STX8: variants seen among roughly 807,000 people sequenced by gnomAD.
STX8 encodes the protein syntaxin-8.
In STX8, 23 loss-of-function variants were observed where a neutral mutation model predicts 37.5. The ratio of observed to expected loss-of-function variants is 0.61; its 90% CI spans 0.44 to 0.87. The LOEUF is 0.87. Among genes scored for constraint, STX8 ranks in the 40% least tolerant of loss-of-function variants. The pLI is 0.00. For synonymous variants in STX8, 115 were observed against 99.1 expected (o/e 1.16, Z -0.95); for missense variants, 313 against 284.7 (o/e 1.10, Z -0.71).
chr17:9,252,223 C>T (rs9904912), intron 7 of STX8, among the ~76,000 whole-genome samples: 105,978 of 150,298 alleles, frequency 0.71, 37,922 homozygotes, highest in Non-Finnish European at 0.77. Flanking sequence ...GGCGGGCGGA[C>T]CATGAGGTCA....
At chr17:9,568,336 C>G (rs1180686311) in intron 2 of STX8, 35 bp downstream of exon 2, 2 of 1,556,802 alleles carry the variant, frequency 1.3e-6, no homozygotes, top group South Asian at 1.1e-5. Context: ...AAAACTCAAA[C>G]AAATCATTGG....
chr17:9,429,575 C>A (rs1178273821), intron 6 of STX8, among the ~76,000 whole-genome samples: 1 of 137,732 alleles, frequency 7.3e-6, no homozygotes, highest in South Asian at 2.2e-4. Flanking sequence ...TGGTGGCGGG[C>A]ACCTGTAGTC....
At chr17:9,575,769 C>A (rs1433392923) in intron 1 of STX8, 23 bp downstream of exon 1, 2 of 1,546,626 alleles carry the variant, frequency 1.3e-6, no homozygotes, top group Admixed American at 2.0e-5. Flanking sequence ...CTCCACGCAC[C>A]GCCGCCCTCA....
chr17:9,381,241 A>AT (rs1490584886), intron 6 of STX8, among the ~76,000 whole-genome samples: 2 of 144,434 alleles, frequency 1.4e-5, no homozygotes, highest in African/African-American at 2.7e-5. Flanking sequence ...TATATTTTTC[A>AT]TTTTGTTTTT....
chr17:9,384,615 G>C (rs1406235315), intron 6 of STX8, among the ~76,000 whole-genome samples: 1 of 152,044 alleles, frequency 6.6e-6, no homozygotes, highest in African/African-American at 2.4e-5. Flanking sequence ...ACTCCAGCCT[G>C]AGCAACAGAG....
chr17:9,461,949 C>A (rs958740558), intron 6 of STX8, among the ~76,000 whole-genome samples: 1 of 152,008 alleles, frequency 6.6e-6, no homozygotes, highest in South Asian at 2.1e-4. Flanking sequence ...ATAGGGTTCA[C>A]GCTCCTATGA....
chr17:9,553,570 A>G (rs2151914361), intron 3 of STX8: 1 of 152,352 alleles, frequency 6.6e-6, no homozygotes, highest in East Asian at 1.9e-4. Context: ...ACATTAAAAA[A>G]GTCACCAAAC....
chr17:9,448,399 C>G (rs569582239), intron 6 of STX8, among the ~76,000 whole-genome samples: 12 of 152,316 alleles, frequency 7.9e-5, no homozygotes, highest in African/African-American at 2.9e-4. Context: ...GCTCCACATA[C>G]TGCAAACAAG....
intron 7 of STX8, among the ~76,000 whole-genome samples, chr17:9,274,224 C>T (rs189986167): frequency 1.3e-5 from 2 of 152,236 alleles, no homozygotes; most frequent in Admixed American, 6.5e-5. Context: ...AGATCTGTTA[C>T]CTGCTTGCTG....
At chr17:9,415,524 C>A (rs1913157148) in intron 6 of STX8, among the ~76,000 whole-genome samples, 1 of 151,960 alleles carries the variant, frequency 6.6e-6, no homozygotes, top group South Asian at 2.1e-4. Context: ...GTAATCCCAG[C>A]ACTTTGGGAG....
intron 7 of STX8, among the ~76,000 whole-genome samples, chr17:9,319,316 G>A (rs1909489933): frequency 6.6e-6 from 1 of 152,116 alleles, no homozygotes; most frequent in Non-Finnish European, 1.5e-5. Flanking sequence ...CTACTCAGGA[G>A]GCTGAGGCAG....
chr17:9,348,685 G>A (rs1021009018), intron 7 of STX8, among the ~76,000 whole-genome samples: 1 of 152,148 alleles, frequency 6.6e-6, no homozygotes, highest in African/African-American at 2.4e-5. Flanking sequence ...AAGGTCTAGT[G>A]AGAAGATAAA....
At chr17:9,273,905 G>A (rs1157976938) in intron 7 of STX8, among the ~76,000 whole-genome samples, 1 of 152,082 alleles carries the variant, frequency 6.6e-6, no homozygotes, top group Non-Finnish European at 1.5e-5. Context: ...TGCTCTCAGT[G>A]GTCCCTTCTG....
chr17:9,322,554 GCA>G (rs1304685914), intron 7 of STX8, among the ~76,000 whole-genome samples: 3 of 152,094 alleles, frequency 2.0e-5, no homozygotes, highest in Non-Finnish European at 2.9e-5. Context: ...TCCTCTGCAG[GCA>G]CAGAGACCCT....
intron 6 of STX8, among the ~76,000 whole-genome samples, chr17:9,430,507 A>C (rs1273425319): frequency 6.6e-6 from 1 of 151,972 alleles, no homozygotes; most frequent in Non-Finnish European, 1.5e-5. Context: ...TATTTCACTG[A>C]ATGTCTTCCA....
At chr17:9,570,410 CAT>C (rs1305057233) in intron 1 of STX8, among the ~76,000 whole-genome samples, 1 of 151,822 alleles carries the variant, frequency 6.6e-6, no homozygotes, top group Non-Finnish European at 1.5e-5. Flanking sequence ...ATGTATATAT[CAT>C]ATATATATCA....
chr17:9,357,860 G>T (rs1296715925), intron 7 of STX8, among the ~76,000 whole-genome samples: 1 of 152,148 alleles, frequency 6.6e-6, no homozygotes, highest in African/African-American at 2.4e-5. Flanking sequence ...ATCTCTAGAA[G>T]ATGACAGTTT....
At position 9,455,266 on chromosome 17, in the gene STX8, G is replaced by A. The variant is rs556780296; in HGVS notation, c.541+36563C>T. 5.3e-5 allele frequency among the ~76,000 whole-genome samples: 8 copies of A among 151,850 alleles called. No homozygotes were observed. The South Asian group carries it at 1.0e-3, about 20-fold the overall frequency. ...TGTAATCCTAGCAATTTGGGAGGCC[G>A]AGGTGGGCGGATCATGAGGTCAGGA... On this transcript the variant is annotated intron_variant, in intron 6 of 7. Transcript: ENST00000306357.
Position 9,455,538 on chromosome 17 carries a change from G to T in STX8, c.541+36291C>A, listed in dbSNP as rs148201781. ...TAAATAAAAACAAAACAAAATAAAAGAAAAATAGTGAAGGCTTTGGTGGCT... is the reference window on the plus strand; with the variant it reads ...TAAATAAAAACAAAACAAAATAAAATAAAAATAGTGAAGGCTTTGGTGGCT... On this transcript the variant is annotated intron_variant, in intron 6 of 7. Transcript: ENST00000306357. 3.8e-3 allele frequency among the ~76,000 whole-genome samples: 570 copies of T among 151,888 alleles called. 4 individuals are homozygous for T. Among genetic ancestry groups the T allele is most frequent in the African/African-American group, 0.013 (547 of 41,426 alleles).
Sources: allele counts gnomAD v4.1 joint callset (sites outside exome capture counted in the v4.1 genomes callset), GRCh38; gene constraint gnomAD v4.1.1; transcripts MANE v1.5; gene names NCBI Gene and HGNC (gene_info 2026-07-23, HGNC 2026-07-21).